The following LRRC4C variants were observed in gnomAD, a reference collection of about 807,000 sequenced individuals.
LRRC4C encodes the protein leucine rich repeat containing 4C, also known as leucine-rich repeat-containing protein 4C.
LRRC4C carries 5 observed loss-of-function variants against 33.6 expected under a neutral mutation model. The ratio of observed to expected loss-of-function variants is 0.15; its 90% CI spans 0.08 to 0.31. The LOEUF is 0.31. Ranked by LOEUF, LRRC4C falls within the 10% of genes least tolerant of loss-of-function variation. LRRC4C has a pLI of 1.00. For synonymous variants in LRRC4C, 329 were observed against 302.0 expected (o/e 1.09, Z -0.93); for missense variants, 560 against 796.7 (o/e 0.70, Z 3.58).
chr11:41,267,841 G>T (rs557448684), intron 1 of LRRC4C, among the ~76,000 whole-genome samples: 3 of 152,032 alleles, frequency 2.0e-5, no homozygotes, highest in Non-Finnish European at 4.4e-5. Context: ...GTCTAATAAT[G>T]TAATGCCTGA....
chr11:41,194,335 G>T (rs1375257705), intron 1 of LRRC4C, among the ~76,000 whole-genome samples: 1 of 151,932 alleles, frequency 6.6e-6, no homozygotes, highest in South Asian at 2.1e-4. Flanking sequence ...TTGTTCAAGG[G>T]TCAACTATAT....
At chr11:40,890,667 A>G (rs1955660448) in intron 2 of LRRC4C, among the ~76,000 whole-genome samples, 2 of 152,170 alleles carry the variant, frequency 1.3e-5, no homozygotes, top group Admixed American at 1.3e-4. Context: ...ATAGCTGAAC[A>G]TGGAGAGAAA....
At chr11:40,848,331 G>A (rs559443378) in intron 2 of LRRC4C, among the ~76,000 whole-genome samples, 1 of 152,118 alleles carries the variant, frequency 6.6e-6, no homozygotes, top group Non-Finnish European at 1.5e-5. Flanking sequence ...GTGTCCCAGA[G>A]ATTCTAGTAG....
At chr11:40,403,066 T>A (rs1041673904) in intron 3 of LRRC4C, among the ~76,000 whole-genome samples, 2 of 152,132 alleles carry the variant, frequency 1.3e-5, no homozygotes, top group Admixed American at 6.6e-5. Flanking sequence ...ATAATTTGTA[T>A]GGCCTTCCCA....
At chr11:40,911,352 C>T (rs1465730981) in intron 2 of LRRC4C, among the ~76,000 whole-genome samples, 1 of 152,146 alleles carries the variant, frequency 6.6e-6, no homozygotes, top group Admixed American at 6.5e-5. Flanking sequence ...ACAAAACTTC[C>T]AGAGGAACGA....
At chr11:40,389,374 G>C (rs1186693509) in intron 3 of LRRC4C, among the ~76,000 whole-genome samples, 3 of 151,926 alleles carry the variant, frequency 2.0e-5, no homozygotes, top group African/African-American at 7.3e-5. Context: ...ACACGGCGTG[G>C]GTTAGTTGTC....
At chr11:41,451,168 GACACC>G in intron 1 of LRRC4C, among the ~76,000 whole-genome samples, 1 of 152,186 alleles carries the variant, frequency 6.6e-6, no homozygotes, top group Non-Finnish European at 1.5e-5. Context: ...TTGAATAAAT[GACACC>G]ATCGAAATGA....
chr11:41,395,354 A>C (rs927489921), intron 1 of LRRC4C, among the ~76,000 whole-genome samples: 3 of 152,016 alleles, frequency 2.0e-5, no homozygotes, highest in Non-Finnish European at 4.4e-5. Context: ...GTATAACCTC[A>C]TTTATACCCA....
intron 1 of LRRC4C, among the ~76,000 whole-genome samples, chr11:41,098,123 C>A (rs756334235): frequency 6.6e-6 from 1 of 152,048 alleles, no homozygotes; most frequent in African/African-American, 2.4e-5. Flanking sequence ...AAAGTAGATA[C>A]GGACACTAAC....
intron 5 of LRRC4C, among the ~76,000 whole-genome samples, chr11:40,186,180 G>T (rs952962156): frequency 2.0e-5 from 3 of 152,190 alleles, no homozygotes; most frequent in African/African-American, 4.8e-5. Context: ...ATGGGGGAAT[G>T]AATACATGAA....
At chr11:40,946,027 C>T (rs1592154833) in intron 1 of LRRC4C, among the ~76,000 whole-genome samples, 1 of 152,058 alleles carries the variant, frequency 6.6e-6, no homozygotes, top group East Asian at 1.9e-4. Context: ...ACAAATGATC[C>T]TGTTGCTCAG....
At chr11:41,380,251 A>G (rs1953093205) in intron 1 of LRRC4C, among the ~76,000 whole-genome samples, 1 of 152,198 alleles carries the variant, frequency 6.6e-6, no homozygotes, top group Non-Finnish European at 1.5e-5. Flanking sequence ...GTTGACAGTA[A>G]CATATTACAT....
At chr11:40,850,401 T>C (rs1180356380) in intron 2 of LRRC4C, among the ~76,000 whole-genome samples, 1 of 152,214 alleles carries the variant, frequency 6.6e-6, no homozygotes, top group African/African-American at 2.4e-5. Flanking sequence ...CTCTCTTCTG[T>C]AGGTCTGCTG....
chr11:40,728,499 G>A (rs933057328), intron 2 of LRRC4C, among the ~76,000 whole-genome samples: 2 of 151,198 alleles, frequency 1.3e-5, no homozygotes, highest in South Asian at 2.1e-4. Flanking sequence ...GTTGGCGGGC[G>A]CCTGTAGTCC....
At chr11:41,385,122 G>A (rs1953306505) in intron 1 of LRRC4C, among the ~76,000 whole-genome samples, 1 of 151,012 alleles carries the variant, frequency 6.6e-6, no homozygotes, top group African/African-American at 2.4e-5. Context: ...AATCCATAAT[G>A]TCAGAGAACT....
chr11:41,054,960 CA>C (rs919839673), intron 1 of LRRC4C, among the ~76,000 whole-genome samples: 2 of 152,084 alleles, frequency 1.3e-5, no homozygotes, highest in African/African-American at 2.4e-5. Context: ...CATATATACA[CA>C]AAAAAATACA....
At chr11:41,074,778 T>C (rs1938980355) in intron 1 of LRRC4C, among the ~76,000 whole-genome samples, 2 of 152,158 alleles carry the variant, frequency 1.3e-5, no homozygotes, top group African/African-American at 4.8e-5. Context: ...CCATTAGCAA[T>C]GACTTTCATT....
intron 5 of LRRC4C, among the ~76,000 whole-genome samples, chr11:40,173,678 C>T (rs907607167): frequency 3.3e-5 from 5 of 152,150 alleles, no homozygotes; most frequent in African/African-American, 1.2e-4. Context: ...CCTAGATGAT[C>T]ATACCTGTAA....
intron 2 of LRRC4C, among the ~76,000 whole-genome samples, chr11:40,932,533 G>C (rs1237569386): frequency 6.6e-6 from 1 of 152,118 alleles, no homozygotes; most frequent in South Asian, 2.1e-4. Context: ...AAGGAACCAG[G>C]GAAATGGAGA....
Sources: gnomAD v4.1 joint callset for allele counts (sites outside exome capture counted in the v4.1 genomes callset) on GRCh38, gnomAD v4.1.1 for gene constraint, MANE v1.5 for transcripts, NCBI Gene and HGNC (gene_info 2026-07-23, HGNC 2026-07-21) for gene names.